The following ESRRG variants were observed in gnomAD, a reference collection of about 807,000 sequenced individuals.
ESRRG encodes estrogen-related receptor gamma.
A neutral mutation model predicts 44.0 loss-of-function variants in ESRRG; 13 were observed. The ratio of observed to expected loss-of-function variants is 0.30; its 90% CI spans 0.19 to 0.47. The LOEUF is 0.47. Among genes scored for constraint, ESRRG ranks in the 20% least tolerant of loss-of-function variants. ESRRG has a pLI of 1.00. For missense variants in ESRRG, 395 were observed against 580.6 expected, an observed-to-expected ratio of 0.68 and a Z score of 3.29; for synonymous variants, 215 against 214.6, an observed-to-expected ratio of 1.00 and a Z score of -0.02.
chr1:216,598,301 G>GAACCTCT (rs1487198589), intron 3 of ESRRG, among the ~76,000 whole-genome samples: 1 of 152,160 alleles, frequency 6.6e-6, no homozygotes, highest in East Asian at 1.9e-4. Flanking sequence ...GTTTAGCTTG[G>GAACCTCT]AACCTCTGGT....
chr1:216,506,730 G>A lies in ESRRG; in HGVS notation c.*209C>T, dbSNP rs996942113. 5 of 648,998 alleles carry A rather than the reference G, an allele frequency of 7.7e-6. No individual in the cohort carries two copies. Among genetic ancestry groups the A allele is most frequent in the African/African-American group, 5.5e-5 (3 of 54,130 alleles). The allele number at this position is 648,998 out of a possible 1,614,324, so 40.2% of individuals were successfully genotyped here. On this transcript the variant is annotated 3_prime_UTR_variant, in exon 7 of 7. Transcript: ENST00000408911. ...AGAAAGAGAAATGTGGGAAGAAAGA[G>A]GAAAGAAGATGATGGAGAAAGTAGA... is the stretch of plus-strand genomic sequence containing the variant.
chr1:216,553,338 G>A (rs1381834810), intron 5 of ESRRG, among the ~76,000 whole-genome samples: 1 of 152,122 alleles, frequency 6.6e-6, no homozygotes, highest in Non-Finnish European at 1.5e-5. Context: ...GCTGCTCTTT[G>A]GAGACACCCC....
At chr1:216,952,719 C>A (rs1225724879) in intron 1 of ESRRG, among the ~76,000 whole-genome samples, 2 of 151,990 alleles carry the variant, frequency 1.3e-5, no homozygotes, top group African/African-American at 2.4e-5. Context: ...GTTATTTTTT[C>A]TTAGTATGTC....
At chr1:216,685,610 A>G (rs2077793373) in intron 1 of ESRRG, among the ~76,000 whole-genome samples, 2 of 152,182 alleles carry the variant, frequency 1.3e-5, no homozygotes, top group African/African-American at 4.8e-5. Flanking sequence ...GATCTCTACA[A>G]ATTACATTGA....
At chr1:217,066,414 T>C (rs112603721) in intron 1 of ESRRG, among the ~76,000 whole-genome samples, 12 of 151,988 alleles carry the variant, frequency 7.9e-5, no homozygotes, top group South Asian at 4.2e-4. Context: ...ACTAATTTTT[T>C]GTATTTTTAG....
At chr1:216,856,729 A>C (rs1214731029) in intron 2 of ESRRG, among the ~76,000 whole-genome samples, 1 of 152,214 alleles carries the variant, frequency 6.6e-6, no homozygotes, top group Admixed American at 6.5e-5. Context: ...AGAAAACCCC[A>C]CAAGAGACAT....
chr1:216,969,615 C>T (rs755052136), intron 1 of ESRRG, among the ~76,000 whole-genome samples: 4 of 152,022 alleles, frequency 2.6e-5, no homozygotes, highest in Non-Finnish European at 1.5e-5. Context: ...GACGGAGTTT[C>T]GCTTTTGTTG....
chr1:216,985,239 C>T (rs1309911001), intron 1 of ESRRG, among the ~76,000 whole-genome samples: 2 of 152,158 alleles, frequency 1.3e-5, no homozygotes, highest in Admixed American at 6.5e-5. Context: ...AATAAATCAC[C>T]TTTCAGTTTT....
chr1:216,844,689 C>T (rs1209100446), intron 2 of ESRRG, among the ~76,000 whole-genome samples: 2 of 152,238 alleles, frequency 1.3e-5, no homozygotes, highest in South Asian at 2.1e-4. Flanking sequence ...TAAAATAATA[C>T]TGATGCGCCC....
intron 2 of ESRRG, among the ~76,000 whole-genome samples, chr1:216,885,939 C>T (rs562199001): frequency 6.6e-5 from 10 of 152,122 alleles, no homozygotes; most frequent in African/African-American, 2.4e-4. Context: ...ACAAAAATCC[C>T]TTCTTAGAAC....
intron 5 of ESRRG, among the ~76,000 whole-genome samples, chr1:216,543,143 A>T (rs1209851801): frequency 6.6e-6 from 1 of 152,038 alleles, no homozygotes; most frequent in Non-Finnish European, 1.5e-5. Flanking sequence ...TGCACATGGG[A>T]CAATCTTCAA....
chr1:216,579,535 G>A (rs1237080757), intron 3 of ESRRG, among the ~76,000 whole-genome samples: 15 of 152,206 alleles, frequency 9.9e-5, no homozygotes, highest in South Asian at 2.1e-4. Context: ...TGAGTGAAAC[G>A]TGTGAAAATA....
intron 3 of ESRRG, among the ~76,000 whole-genome samples, chr1:216,571,188 T>C (rs765357375): frequency 2.0e-4 from 30 of 152,196 alleles, no homozygotes; most frequent in Non-Finnish European, 3.5e-4. Context: ...GTTTTTATTA[T>C]GTATTATGGA....
chr1:216,620,212 T>C (rs190060851), intron 3 of ESRRG, among the ~76,000 whole-genome samples: 1 of 152,186 alleles, frequency 6.6e-6, no homozygotes, highest in African/African-American at 2.4e-5. Context: ...AATATCTCAG[T>C]TCCCCAATTT....
chr1:216,974,126 T>C (rs1043894790), intron 1 of ESRRG, among the ~76,000 whole-genome samples: 1 of 152,210 alleles, frequency 6.6e-6, no homozygotes, highest in Admixed American at 6.5e-5. Flanking sequence ...AGAACATAAG[T>C]AGGTAACTTT....
intron 1 of ESRRG, among the ~76,000 whole-genome samples, chr1:216,977,789 G>A (rs2073233122): frequency 1.3e-5 from 2 of 152,160 alleles, no homozygotes; most frequent in African/African-American, 2.4e-5. Context: ...ATTAAGAGGT[G>A]GGGTCTTTAA....
chr1:216,964,394 AC>A (rs2069787702), intron 1 of ESRRG, among the ~76,000 whole-genome samples: 1 of 151,792 alleles, frequency 6.6e-6, no homozygotes, highest in Non-Finnish European at 1.5e-5. Context: ...TCCACTCCAT[AC>A]CCCCATCCCC....
intron 5 of ESRRG, among the ~76,000 whole-genome samples, chr1:216,523,490 G>GTTTTTTT (rs749747909): frequency 7.9e-6 from 1 of 126,328 alleles, no homozygotes. Context: ...ATCAAGCACT[G>GTTTTTTT]TTTTTTTTTT....
At chr1:217,011,010 G>A (rs2078504489) in intron 1 of ESRRG, among the ~76,000 whole-genome samples, 1 of 152,136 alleles carries the variant, frequency 6.6e-6, no homozygotes. Flanking sequence ...GCAACAGCCT[G>A]CAAATTCCAA....
Sources: gnomAD v4.1 joint callset for allele counts (sites outside exome capture counted in the v4.1 genomes callset) on GRCh38, gnomAD v4.1.1 for gene constraint, MANE v1.5 for transcripts, NCBI Gene and HGNC (gene_info 2026-07-23, HGNC 2026-07-21) for gene names.